DLGAP4: variants seen among roughly 807,000 people sequenced by gnomAD.
DLGAP4 encodes disks large-associated protein 4.
A neutral mutation model predicts 86.9 loss-of-function variants in DLGAP4; 18 were observed. That is an observed-to-expected ratio of 0.21 (90% CI 0.14 to 0.31). The LOEUF (loss-of-function observed/expected upper bound fraction) is 0.31. Ranked by LOEUF, DLGAP4 falls within the 10% of genes least tolerant of loss-of-function variation. The pLI, the probability that DLGAP4 is intolerant of heterozygous loss-of-function variation, is 1.00. For missense variants in DLGAP4, 1,085 were observed against 1,362.6 expected, an observed-to-expected ratio of 0.80 and a Z score of 3.21; for synonymous variants, 548 against 574.3, an observed-to-expected ratio of 0.95 and a Z score of 0.65.
At position 36,308,250 on chromosome 20, in the gene DLGAP4, C is replaced by T. The variant is rs1555889658; in HGVS notation, c.-304+1738C>T. On this transcript the variant is annotated intron_variant, in intron 1 of 12. Transcript: ENST00000339266. This position sits in a 1 kb window ranked among gnomAD's most constrained non-coding sequence, Gnocchi z 4.5. ...CCGTGTGTGGTGTCCATGGCGACCCCGTACTCACCTGCCAGAGGCCTGGTG... is the reference window on the plus strand; with the variant it reads ...CCGTGTGTGGTGTCCATGGCGACCCTGTACTCACCTGCCAGAGGCCTGGTG... Among the ~76,000 whole-genome samples the T allele has an allele frequency of 2.0e-5, 3 of 152,192 alleles. No individual in the cohort carries two copies. The highest frequency in any genetic ancestry group is 2.9e-5 in the Non-Finnish European group (2 of 68,038).
intron 1 of DLGAP4, among the ~76,000 whole-genome samples, chr20:36,346,199 A>G (rs556892776): frequency 6.6e-6 from 1 of 152,284 alleles, no homozygotes; most frequent in South Asian, 2.1e-4. Context: ...CCAGGGCTCT[A>G]TGGGCAGAGT....
chr20:36,475,797 G>A (rs1337508414), intron 7 of DLGAP4, among the ~76,000 whole-genome samples: 1 of 152,072 alleles, frequency 6.6e-6, no homozygotes, highest in Non-Finnish European at 1.5e-5. Flanking sequence ...AACTGCTGGG[G>A]CTCATTCTTC....
intron 2 of DLGAP4, among the ~76,000 whole-genome samples, chr20:36,429,701 C>G (rs912716583): frequency 2.0e-5 from 3 of 152,138 alleles, no homozygotes; most frequent in African/African-American, 7.2e-5. Flanking sequence ...GCCACCATGC[C>G]CAGCCCATGC....
At chr20:36,462,634 G>C in intron 7 of DLGAP4, 2 of 1,567,784 alleles carry the variant, frequency 1.3e-6, no homozygotes, top group Non-Finnish European at 1.7e-6. Context: ...GGCCGGAGTT[G>C]GCCCGCAGGC....
intron 2 of DLGAP4, among the ~76,000 whole-genome samples, chr20:36,396,786 T>C (rs1257792985): frequency 6.6e-6 from 1 of 152,140 alleles, no homozygotes; most frequent in Non-Finnish European, 1.5e-5. Context: ...AGTTTCTCCA[T>C]CCATAAAACA....
Position 36,499,663 on chromosome 20 carries a change from G to T in DLGAP4, c.2086G>T (p.Glu696Ter). 6.2e-7 allele frequency: 1 copy of T among 1,613,766 alleles called. No individual in the cohort carries two copies. The highest frequency in any genetic ancestry group is 8.5e-7 in the Non-Finnish European group (1 of 1,179,926). ...ATTCCAGTCCATCGGGGTTCAGGTA[G>T]AGGACGACTGGCGGTAAGTCGGACA... ...TKFQSIGVQV[E>*]DDWRSSVPSH... Residue 696 changes from glutamate to a stop codon, truncating the protein, a stop_gained, in exon 9 of 13, where the codon GAG becomes TAG. Coordinates refer to ENST00000339266, the MANE Select transcript of DLGAP4 (RefSeq NM_001365621.2). LOFTEE classifies it high-confidence loss of function.
chr20:36,447,920 G>A (rs2033639989), intron 7 of DLGAP4, among the ~76,000 whole-genome samples: 1 of 148,254 alleles, frequency 6.7e-6, no homozygotes, highest in Non-Finnish European at 1.5e-5. Context: ...GGGAGACAAG[G>A]GGAGGGAGAG....
chr20:36,338,083 C>G (rs781955915), intron 1 of DLGAP4, among the ~76,000 whole-genome samples: 1 of 152,202 alleles, frequency 6.6e-6, no homozygotes, highest in Non-Finnish European at 1.5e-5. Context: ...ACCTCATGGT[C>G]CTCAGCTGCC....
At chr20:36,403,381 C>G (rs2147487479) in intron 2 of DLGAP4, among the ~76,000 whole-genome samples, 1 of 152,316 alleles carries the variant, frequency 6.6e-6, no homozygotes, top group East Asian at 1.9e-4. Context: ...CCAAGACTGT[C>G]ACAATGGCAA....
In DLGAP4 at chr20:36,393,657, T is replaced by C. The variant is rs2031855229; in HGVS notation, c.-73+26382T>C. 6.6e-6 allele frequency among the ~76,000 whole-genome samples: 1 copy of C among 151,864 alleles called. No individual in the cohort carries two copies. The highest frequency in any genetic ancestry group is 2.4e-5 in the African/African-American group (1 of 41,326). On this transcript the variant is annotated intron_variant, in intron 2 of 12. Transcript: ENST00000339266. The surrounding 1 kb of genome is among the most constrained non-coding windows in gnomAD (Gnocchi z 4.4). ...CCCTTTAGAGAGCTGAGAACCAAAG[T>C]GAGAAACTGAGGCCGACCCTGGCAC...
At chr20:36,324,043 C>A (rs1261311961) in intron 1 of DLGAP4, among the ~76,000 whole-genome samples, 1 of 151,988 alleles carries the variant, frequency 6.6e-6, no homozygotes, top group Non-Finnish European at 1.5e-5. Flanking sequence ...TATTTTTTTT[C>A]TTTGGGTGTA....
intron 2 of DLGAP4, among the ~76,000 whole-genome samples, chr20:36,377,217 G>T (rs1219030649): frequency 6.6e-6 from 1 of 152,192 alleles, no homozygotes; most frequent in Non-Finnish European, 1.5e-5. Context: ...GGGCTAGCTT[G>T]GGTGATAGGT....
In DLGAP4 at chr20:36,475,899, G is replaced by A. The variant is rs541804765; in HGVS notation, c.1649-20806G>A. ...TTTTGAGACAGAGTCTCACTCTGTC[G>A]CCCAGGCTGGAGTGCAGTGGCGCAG... On this transcript the variant is annotated intron_variant, in intron 7 of 12. Transcript: ENST00000339266. 7.9e-5 allele frequency among the ~76,000 whole-genome samples: 12 copies of A among 151,778 alleles called. No individual in the cohort carries two copies. In the South Asian group the frequency reaches 2.3e-3, roughly 29 times the overall value.
At chr20:36,407,121 C>T (rs1427176751) in intron 2 of DLGAP4, among the ~76,000 whole-genome samples, 3 of 152,106 alleles carry the variant, frequency 2.0e-5, no homozygotes, top group African/African-American at 7.2e-5. Context: ...GGGAGGATCA[C>T]TTGAGGCCAG....
At chr20:36,467,017 C>CCTCTCTCTCTCTCTCTCTCTCTCT (rs55778929) in intron 7 of DLGAP4, among the ~76,000 whole-genome samples, 1 of 50,346 alleles carries the variant, frequency 2.0e-5, no homozygotes, top group Non-Finnish European at 3.2e-5. Context: ...CTCTCTCTCT[C>CCTCTCTCTCTCTCTCTCTCTCTCT]CTCTCTCTCT....
At chr20:36,507,218 T>TG (rs1555913744) in intron 10 of DLGAP4, among the ~76,000 whole-genome samples, 2 of 151,872 alleles carry the variant, frequency 1.3e-5, no homozygotes, top group African/African-American at 4.9e-5. Context: ...AGTTGTTTTT[T>TG]TTTTGTTTTG....
At chr20:36,310,148 A>C (rs2065039043) in intron 1 of DLGAP4, among the ~76,000 whole-genome samples, 1 of 145,622 alleles carries the variant, frequency 6.9e-6, no homozygotes, top group African/African-American at 2.6e-5. Flanking sequence ...AGTCTAGGCA[A>C]CATAGTGAGA....
intron 7 of DLGAP4, among the ~76,000 whole-genome samples, chr20:36,463,096 A>G (rs987213336): frequency 2.0e-5 from 3 of 152,104 alleles, no homozygotes; most frequent in Non-Finnish European, 4.4e-5. Flanking sequence ...AAGTGAACAA[A>G]GGTCTGTGCT....
intron 5 of DLGAP4, among the ~76,000 whole-genome samples, chr20:36,441,756 C>G (rs1396288382): frequency 6.6e-6 from 1 of 152,062 alleles, no homozygotes; most frequent in Admixed American, 6.6e-5. Context: ...TGTTCTCTCT[C>G]CCCTCATTCA....
Sources: allele counts gnomAD v4.1 joint callset (sites outside exome capture counted in the v4.1 genomes callset), GRCh38; gene constraint gnomAD v4.1.1; non-coding constraint Gnocchi (gnomAD v3.1); transcripts MANE v1.5; gene names NCBI Gene and HGNC (gene_info 2026-07-23, HGNC 2026-07-21).